Variants in CIT observed in about 807,000 individuals in gnomAD.
The protein encoded by CIT is citron rho-interacting serine/threonine kinase, also known as citron Rho-interacting kinase.
A neutral mutation model predicts 272.7 loss-of-function variants in CIT; 79 were observed. The ratio of observed to expected loss-of-function variants is 0.29; its 90% CI spans 0.24 to 0.35. The LOEUF (loss-of-function observed/expected upper bound fraction) is 0.35. CIT is among the 10% of genes least tolerant of loss of function. CIT has a pLI of 1.00. For missense variants in CIT, 1,909 were observed against 2,618.3 expected (o/e 0.73, Z 5.91); for synonymous variants, 948 against 995.6 (o/e 0.95, Z 0.90).
intron 16 of CIT, among the ~76,000 whole-genome samples, chr12:119,775,169 G>A (rs1250448497): frequency 6.6e-6 from 1 of 151,956 alleles, no homozygotes; most frequent in Non-Finnish European, 1.5e-5. Context: ...GCTATTCAGG[G>A]GGCTGAGGCA....
chr12:119,795,097 T>C (rs970272270), intron 10 of CIT, among the ~76,000 whole-genome samples: 1 of 152,194 alleles, frequency 6.6e-6, no homozygotes, highest in Non-Finnish European at 1.5e-5. Context: ...AAGTTAAAAG[T>C]TGAGCCAGGC....
At chr12:119,857,793 T>C in intron 3 of CIT, 95 bp from the exon 4 acceptor site, 1 of 1,122,650 alleles carries the variant, frequency 8.9e-7, no homozygotes, top group Non-Finnish European at 1.3e-6. Context: ...AGCATTCGGA[T>C]AGCTTCCCTC....
intron 24 of CIT, among the ~76,000 whole-genome samples, chr12:119,741,469 TTAC>T (rs1959055207): frequency 6.6e-6 from 1 of 152,214 alleles, no homozygotes; most frequent in Non-Finnish European, 1.5e-5. Flanking sequence ...ATACTTAAAA[TTAC>T]TACATTATTA....
intron 19 of CIT, among the ~76,000 whole-genome samples, chr12:119,764,786 T>A (rs1415007031): frequency 1.3e-5 from 2 of 152,132 alleles, no homozygotes; most frequent in Admixed American, 1.3e-4. Flanking sequence ...CTGATCTAAC[T>A]GATGCCCAAT....
chr12:119,757,797 G>T (rs1445186268), intron 21 of CIT, among the ~76,000 whole-genome samples: 1 of 152,194 alleles, frequency 6.6e-6, no homozygotes, highest in African/African-American at 2.4e-5. Flanking sequence ...CCAGGAGGAT[G>T]CAAGAGATAC....
At chr12:119,714,428 G>A (rs1388216561) in intron 32 of CIT, 94 bp from the exon 33 acceptor site, 5 of 1,332,342 alleles carry the variant, frequency 3.8e-6, no homozygotes, top group South Asian at 1.4e-5. Flanking sequence ...AAAAATACTT[G>A]CAAATCAAAT....
chr12:119,694,663 G>A lies in CIT; in HGVS notation c.5882+2996C>T, dbSNP rs1396618495. 6.6e-6 allele frequency among the ~76,000 whole-genome samples: 1 copy of A among 151,964 alleles called. No individual in the cohort carries two copies. Among genetic ancestry groups the A allele is most frequent in the East Asian group, 1.9e-4 (1 of 5,172 alleles). Reference sequence around the variant, plus strand: ...TACAAAAAATACAAAAATTAGCCAGGTGTGGTGGCGGGCGCCTGTAGTCCC... The same window carrying A: ...TACAAAAAATACAAAAATTAGCCAGATGTGGTGGCGGGCGCCTGTAGTCCC... On this transcript the variant is annotated intron_variant, in intron 46 of 47. Coordinates refer to ENST00000392521, the MANE Select transcript of CIT (RefSeq NM_001206999.2). The surrounding 1 kb of genome is among the most constrained non-coding windows in gnomAD (Gnocchi z 4.5).
intron 3 of CIT, among the ~76,000 whole-genome samples, chr12:119,861,895 A>C (rs1283780875): frequency 6.6e-6 from 1 of 152,238 alleles, no homozygotes; most frequent in Non-Finnish European, 1.5e-5. Context: ...GCCCATATAA[A>C]AGAACATTAG....
intron 8 of CIT, 139 bp from the exon 9 acceptor site, chr12:119,823,112 C>G (rs1593869391): frequency 2.4e-6 from 2 of 830,066 alleles, no homozygotes; most frequent in East Asian, 2.7e-5. Flanking sequence ...GCCCTCTTCC[C>G]TTTGGACCAA....
intron 9 of CIT, among the ~76,000 whole-genome samples, chr12:119,815,196 A>C (rs1967061821): frequency 6.6e-6 from 1 of 151,900 alleles, no homozygotes; most frequent in Non-Finnish European, 1.5e-5. Flanking sequence ...AAATAAATGA[A>C]AAAATAATGT....
At chr12:119,794,683 C>T (rs1965583405) in intron 10 of CIT, among the ~76,000 whole-genome samples, 1 of 152,228 alleles carries the variant, frequency 6.6e-6, no homozygotes, top group Admixed American at 6.5e-5. Context: ...ATTAGGACAT[C>T]TGTCAGGCCC....
chr12:119,823,112 C>T, intron 8 of CIT, 139 bp from the exon 9 acceptor site: 1 of 830,066 alleles, frequency 1.2e-6, no homozygotes, highest in Non-Finnish European at 1.8e-6. Flanking sequence ...GCCCTCTTCC[C>T]TTTGGACCAA....
chr12:119,822,351 G>A (rs1967791897), intron 9 of CIT, among the ~76,000 whole-genome samples: 1 of 152,230 alleles, frequency 6.6e-6, no homozygotes. Context: ...ATGCTTGTGA[G>A]CAAAGACAAA....
chr12:119,701,591 C>T (rs1474351465), intron 43 of CIT, 33 bp downstream of exon 43: 2 of 1,608,022 alleles, frequency 1.2e-6, no homozygotes, highest in Non-Finnish European at 8.5e-7. Flanking sequence ...TCCATGAGGA[C>T]CCAAAAGGGC....
At chr12:119,850,570 C>T (rs1223801496) in intron 4 of CIT, among the ~76,000 whole-genome samples, 1 of 152,096 alleles carries the variant, frequency 6.6e-6, no homozygotes, top group Non-Finnish European at 1.5e-5. Flanking sequence ...TTGCATAAAT[C>T]TCAATCATTC....
intron 1 of CIT, 72 bp from the exon 2 acceptor site, chr12:119,876,253 C>A: frequency 1.1e-6 from 1 of 907,926 alleles, no homozygotes; most frequent in Admixed American, 2.2e-5. Context: ...TCCTGATCTC[C>A]CTCAAGATAT....
intron 23 of CIT, among the ~76,000 whole-genome samples, chr12:119,747,651 T>C (rs989947002): frequency 1.3e-5 from 2 of 151,228 alleles, no homozygotes; most frequent in African/African-American, 2.4e-5. Flanking sequence ...ACCCAGGAGG[T>C]GGAAGTTGCA....
At chr12:119,845,983 C>CACACACAT (rs3223343) in intron 5 of CIT, among the ~76,000 whole-genome samples, 1 of 150,662 alleles carries the variant, frequency 6.6e-6, no homozygotes, top group African/African-American at 2.4e-5. Context: ...CACACACACA[C>CACACACAT]AGAAAAAGGA....
chr12:119,778,039 G>A (rs1024411489), intron 13 of CIT, among the ~76,000 whole-genome samples: 16 of 152,122 alleles, frequency 1.1e-4, no homozygotes, highest in African/African-American at 3.9e-4. Flanking sequence ...ATTTTTCTGG[G>A]CTCAAAACTG....
Sources: gnomAD v4.1 joint callset for allele counts (sites outside exome capture counted in the v4.1 genomes callset) on GRCh38, gnomAD v4.1.1 for gene constraint, Gnocchi (gnomAD v3.1) non-coding constraint, MANE v1.5 for transcripts, NCBI Gene and HGNC (gene_info 2026-07-23, HGNC 2026-07-21) for gene names.